ZNF536: variants seen among roughly 807,000 people sequenced by gnomAD.
ZNF536 encodes the protein zinc finger protein 536.
Under a neutral mutation model 84.5 loss-of-function variants are expected in ZNF536, and 13 were observed. That is an observed-to-expected ratio of 0.15 (90% CI 0.10 to 0.24). ZNF536 has a LOEUF of 0.24. Among genes scored for constraint, ZNF536 ranks in the 10% least tolerant of loss-of-function variants. The probability of loss-of-function intolerance (pLI) is 1.00; values close to 1 mark genes in which losing one functional copy is unlikely to be tolerated. For missense variants in ZNF536, 1,536 were observed against 1,747.5 expected (o/e 0.88, Z 2.16); for synonymous variants, 811 against 742.5 (o/e 1.09, Z -1.50).
chr19:30,257,276 G>A (rs190646739), intron 1 of ZNF536, among the ~76,000 whole-genome samples: 3 of 152,258 alleles, frequency 2.0e-5, no homozygotes, highest in Non-Finnish European at 2.9e-5. Flanking sequence ...TTGCAAATGC[G>A]GAAGACTTTA....
intron 1 of ZNF536, among the ~76,000 whole-genome samples, chr19:30,282,120 A>G (rs2045468663): frequency 6.6e-6 from 1 of 152,194 alleles, no homozygotes. Flanking sequence ...ACCCGCAGTG[A>G]CTGTAACAAC....
chr19:30,531,176 C>A (rs1013843587), intron 2 of ZNF536, among the ~76,000 whole-genome samples: 5 of 152,192 alleles, frequency 3.3e-5, no homozygotes, highest in Admixed American at 6.5e-5. Context: ...CTTAAATCTG[C>A]AAAGAAAACT....
chr19:30,266,222 AT>A (rs1258596571), intron 1 of ZNF536, among the ~76,000 whole-genome samples: 1 of 151,642 alleles, frequency 6.6e-6, no homozygotes, highest in African/African-American at 2.4e-5. Context: ...CTAATTTTTA[AT>A]TTTTTTTGTA....
chr19:30,647,163 C>T (rs1344058532), intron 1 of ZNF536, among the ~76,000 whole-genome samples: 1 of 152,156 alleles, frequency 6.6e-6, no homozygotes, highest in African/African-American at 2.4e-5. Context: ...TATGATCTCC[C>T]TTTTGTGAAT....
chr19:30,350,022 G>C (rs2047883180), intron 2 of ZNF536, among the ~76,000 whole-genome samples: 1 of 151,338 alleles, frequency 6.6e-6, no homozygotes, highest in African/African-American at 2.4e-5. Flanking sequence ...ATTCATTTTA[G>C]TGCAAACCAA....
At chr19:30,509,837 A>G (rs2055337678) in intron 2 of ZNF536, among the ~76,000 whole-genome samples, 1 of 152,244 alleles carries the variant, frequency 6.6e-6, no homozygotes, top group Non-Finnish European at 1.5e-5. Context: ...TCATCAGGGG[A>G]AGAAGCAGAA....
intron 1 of ZNF536, among the ~76,000 whole-genome samples, chr19:30,691,335 C>T (rs1014366449): frequency 5.3e-5 from 8 of 152,092 alleles, no homozygotes; most frequent in South Asian, 2.1e-4. Context: ...GGGACAAGCC[C>T]GTCCCCGCTC....
At position 30,383,625 on chromosome 19, in the gene ZNF536, T is replaced by C. The variant is rs570297702; in HGVS notation, c.-3+11069T>C. 1.9e-3 allele frequency among the ~76,000 whole-genome samples: 281 copies of C among 148,742 alleles called. 3 individuals carry two copies. The highest frequency in any genetic ancestry group is 6.8e-3 in the African/African-American group (274 of 40,324). Reference sequence around the variant, plus strand: ...CTTCCTTTCTTTCTCTCTTTCTCTTTCTTTCTTCCTTTCTTCCTTCCTTTC... The same window carrying C: ...CTTCCTTTCTTTCTCTCTTTCTCTTCCTTTCTTCCTTTCTTCCTTCCTTTC... On this transcript the variant is annotated intron_variant, in intron 1 of 4. Coordinates refer to ENST00000355537, the MANE Select transcript of ZNF536 (RefSeq NM_014717.3).
chr19:30,418,540 A>T (rs8103847), intron 1 of ZNF536, among the ~76,000 whole-genome samples: 2 of 152,030 alleles, frequency 1.3e-5, no homozygotes, highest in Non-Finnish European at 2.9e-5. Context: ...ATCCTTCCTC[A>T]TAAGATGTTA....
chr19:30,376,819 T>G (rs1386036701), intron 1 of ZNF536, among the ~76,000 whole-genome samples: 1 of 152,160 alleles, frequency 6.6e-6, no homozygotes, highest in Non-Finnish European at 1.5e-5. Context: ...GCTCCCCCAT[T>G]AAAGCACATG....
intron 1 of ZNF536, among the ~76,000 whole-genome samples, chr19:30,675,081 G>A (rs2050702961): frequency 6.6e-6 from 1 of 152,112 alleles, no homozygotes; most frequent in Non-Finnish European, 1.5e-5. Context: ...TCTCTCTCTG[G>A]CCTCATGTTC....
chr19:30,624,591 T>G (rs1380348417), intron 1 of ZNF536, among the ~76,000 whole-genome samples: 3 of 152,212 alleles, frequency 2.0e-5, no homozygotes, highest in Admixed American at 6.5e-5. Context: ...AGTGCATTAT[T>G]ATTTCAGGCT....
rs536280791 is a variant in ZNF536 at position 30,604,263 on chromosome 19, AAT to A, written c.169+54752_169+54753del. Among the ~76,000 whole-genome samples the A allele has an allele frequency of 8.6e-3, 1,304 of 152,318 alleles. 14 individuals are homozygous for A. Among genetic ancestry groups the A allele is most frequent in the Middle Eastern group, 0.031 (9 of 294 alleles). On this transcript the variant is annotated intron_variant, in intron 1 of 1. Coordinates refer to the ZNF536 transcript ENST00000592773. ...TGAATACACATGGATGGCTGCCAGTAATATGTTATTAAGCTTTTTTTTAAGTT... is the reference window on the plus strand; with the variant it reads ...TGAATACACATGGATGGCTGCCAGTAATGTTATTAAGCTTTTTTTTAAGTT...
chr19:30,318,828 G>A lies in ZNF536; in HGVS notation c.-119-33540G>A, dbSNP rs534755207. On this transcript the variant is annotated intron_variant, in intron 2 of 5. Coordinates refer to the ZNF536 transcript ENST00000585628. Reference sequence around the variant, plus strand: ...TGGGCCAGTAAGCTTCTCTTCTAAGGTCAGCTTTCTTCACCCAGGGCCACT... The same window carrying A: ...TGGGCCAGTAAGCTTCTCTTCTAAGATCAGCTTTCTTCACCCAGGGCCACT... Among the ~76,000 whole-genome samples the A allele has an allele frequency of 5.9e-5, 9 of 152,294 alleles. No individual in the cohort carries two copies. In the East Asian group the frequency reaches 1.5e-3, roughly 26 times the overall value.
At chr19:30,470,685 CTTTT>C (rs36018979) in intron 2 of ZNF536, among the ~76,000 whole-genome samples, 5 of 125,978 alleles carry the variant, frequency 4.0e-5, no homozygotes, top group Admixed American at 8.1e-5. Context: ...TGTAGACTGT[CTTTT>C]TTTTTTTTTT....
intron 2 of ZNF536, among the ~76,000 whole-genome samples, chr19:30,515,900 G>A (rs1032890782): frequency 3.3e-5 from 5 of 151,668 alleles, no homozygotes; most frequent in Non-Finnish European, 7.4e-5. Flanking sequence ...GGTGGGAGGT[G>A]CCTGTATTCC....
chr19:30,699,419 CA>C (rs927430923), intron 1 of ZNF536, among the ~76,000 whole-genome samples: 31 of 152,096 alleles, frequency 2.0e-4, no homozygotes, highest in African/African-American at 6.3e-4. Flanking sequence ...AAAATAAGTA[CA>C]TTTTTTTTTG....
chr19:30,283,192 A>C (rs2045510953), intron 1 of ZNF536, among the ~76,000 whole-genome samples: 1 of 152,208 alleles, frequency 6.6e-6, no homozygotes, highest in South Asian at 2.1e-4. Context: ...CTTTCAGTAA[A>C]ATATAATTTA....
chr19:30,653,041 G>A (rs762123663), intron 1 of ZNF536, among the ~76,000 whole-genome samples: 3 of 152,222 alleles, frequency 2.0e-5, no homozygotes, highest in Non-Finnish European at 4.4e-5. Context: ...GTAAGGTTGG[G>A]TGGAAAAGAT....
Sources: gnomAD v4.1 joint callset for allele counts (sites outside exome capture counted in the v4.1 genomes callset) on GRCh38, gnomAD v4.1.1 for gene constraint, MANE v1.5 for transcripts, NCBI Gene and HGNC (gene_info 2026-07-23, HGNC 2026-07-21) for gene names.